The following RBFOX1 variants were observed in gnomAD, a reference collection of about 807,000 sequenced individuals.
RBFOX1 encodes the protein RNA binding protein fox-1 homolog 1.
In RBFOX1, 8 loss-of-function variants were observed where a neutral mutation model predicts 57.7. That is an observed-to-expected ratio of 0.14 (90% CI 0.08 to 0.25). The LOEUF (loss-of-function observed/expected upper bound fraction) is 0.25. Ranked by LOEUF, RBFOX1 falls within the 10% of genes least tolerant of loss-of-function variation. RBFOX1 has a pLI of 1.00. For missense variants in RBFOX1, 611 were observed against 548.5 expected (o/e 1.11, Z -1.14); for synonymous variants, 326 against 222.4 (o/e 1.47, Z -4.15).
At chr16:6,520,913 G>A (rs541073734) in intron 2 of RBFOX1, among the ~76,000 whole-genome samples, 1 of 152,108 alleles carries the variant, frequency 6.6e-6, no homozygotes, top group Non-Finnish European at 1.5e-5. Flanking sequence ...TAAAATTTCT[G>A]TGAATAACCA....
chr16:5,687,621 G>A (rs983937661), intron 3 of RBFOX1, among the ~76,000 whole-genome samples: 1 of 152,154 alleles, frequency 6.6e-6, no homozygotes, highest in Admixed American at 6.5e-5. Context: ...GAAAGTCATT[G>A]TAGCGTCACC....
chr16:7,339,572 T>C (rs1394578038), intron 4 of RBFOX1, among the ~76,000 whole-genome samples: 1 of 152,168 alleles, frequency 6.6e-6, no homozygotes, highest in African/African-American at 2.4e-5. Flanking sequence ...CCTGAGTATC[T>C]GGGACCGTGG....
intron 1 of RBFOX1, among the ~76,000 whole-genome samples, chr16:6,212,189 T>C (rs1298425767): frequency 1.3e-5 from 2 of 152,158 alleles, no homozygotes; most frequent in African/African-American, 4.8e-5. Context: ...CAAAAATCTT[T>C]ATATGGTATT....
chr16:5,791,154 C>T (rs1023583935), intron 3 of RBFOX1, among the ~76,000 whole-genome samples: 25 of 152,114 alleles, frequency 1.6e-4, no homozygotes, highest in African/African-American at 4.1e-4. Flanking sequence ...AGGCGTGAGC[C>T]ACAGTGCCTG....
intron 4 of RBFOX1, among the ~76,000 whole-genome samples, chr16:7,198,240 C>A (rs376971659): frequency 3.9e-5 from 6 of 152,034 alleles, no homozygotes; most frequent in African/African-American, 1.2e-4. Flanking sequence ...CTCCTAACGT[C>A]GTGATCTGCC....
At chr16:5,289,263 C>G in intron 1 of RBFOX1, 1 of 395,576 alleles carries the variant, frequency 2.5e-6, no homozygotes, top group Non-Finnish European at 4.9e-6. Flanking sequence ...GAGGTTTCAT[C>G]ATTGGGCACC....
intron 3 of RBFOX1, among the ~76,000 whole-genome samples, chr16:5,860,113 C>T (rs916399906): frequency 2.0e-5 from 3 of 152,152 alleles, no homozygotes; most frequent in Non-Finnish European, 2.9e-5. Context: ...GATGGAGTCT[C>T]ACTCTGTCGC....
At chr16:6,214,112 T>G (rs926423864) in intron 1 of RBFOX1, among the ~76,000 whole-genome samples, 15 of 152,206 alleles carry the variant, frequency 9.9e-5, no homozygotes, top group African/African-American at 2.9e-4. Context: ...GGTGCCTTGT[T>G]CCTAGTTCCT....
chr16:6,699,798 C>G (rs929000952), intron 3 of RBFOX1, among the ~76,000 whole-genome samples: 6 of 151,960 alleles, frequency 3.9e-5, no homozygotes, highest in Admixed American at 3.3e-4. Context: ...CATGCAGGCA[C>G]GGTGAAGAAA....
At chr16:7,166,893 G>A (rs1388069111) in intron 4 of RBFOX1, among the ~76,000 whole-genome samples, 1 of 147,946 alleles carries the variant, frequency 6.8e-6, no homozygotes, top group Non-Finnish European at 1.5e-5. Context: ...ACAGCCACCA[G>A]TAGCCTTGCT....
intron 1 of RBFOX1, among the ~76,000 whole-genome samples, chr16:5,364,194 G>C (rs994780450): frequency 5.9e-5 from 9 of 152,196 alleles, no homozygotes; most frequent in African/African-American, 2.2e-4. Flanking sequence ...TTCACATTTA[G>C]GAACAACTTC....
At chr16:6,158,481 C>G (rs1224458148) in intron 1 of RBFOX1, among the ~76,000 whole-genome samples, 1 of 152,110 alleles carries the variant, frequency 6.6e-6, no homozygotes, top group Non-Finnish European at 1.5e-5. Flanking sequence ...TTATATAAAA[C>G]TCAGATTTGA....
chr16:6,846,586 A>C (rs1172176422), intron 3 of RBFOX1, among the ~76,000 whole-genome samples: 1 of 152,232 alleles, frequency 6.6e-6, no homozygotes, highest in Non-Finnish European at 1.5e-5. Context: ...TTGGAGCTAC[A>C]AATGTGGAAA....
intron 2 of RBFOX1, among the ~76,000 whole-genome samples, chr16:5,531,950 C>T (rs1337845769): frequency 6.6e-6 from 1 of 152,114 alleles, no homozygotes; most frequent in Non-Finnish European, 1.5e-5. Context: ...CAGGCACCCG[C>T]CACCATTCCT....
At chr16:5,761,965 G>C (rs1397144509) in intron 3 of RBFOX1, among the ~76,000 whole-genome samples, 1 of 152,124 alleles carries the variant, frequency 6.6e-6, no homozygotes, top group Non-Finnish European at 1.5e-5. Flanking sequence ...CTTCATGGCA[G>C]AGTTTGAATT....
At chr16:6,589,564 A>G (rs967374398) in intron 2 of RBFOX1, among the ~76,000 whole-genome samples, 2 of 152,206 alleles carry the variant, frequency 1.3e-5, no homozygotes, top group African/African-American at 4.8e-5. Flanking sequence ...CACTGGTCTT[A>G]TATTTTACAA....
At chr16:7,368,082 C>T (rs989667037) in intron 4 of RBFOX1, among the ~76,000 whole-genome samples, 14 of 151,924 alleles carry the variant, frequency 9.2e-5, no homozygotes, top group African/African-American at 2.2e-4. Context: ...GCCTGGCCAA[C>T]GTAATGAAAC....
intron 3 of RBFOX1, among the ~76,000 whole-genome samples, chr16:5,720,387 A>G (rs1247609837): frequency 1.3e-5 from 2 of 152,204 alleles, no homozygotes; most frequent in African/African-American, 4.8e-5. Context: ...TGCCATTGCT[A>G]TTATTAGCTA....
chr16:6,272,611 A>G (rs1049668915), intron 1 of RBFOX1, among the ~76,000 whole-genome samples: 4 of 152,210 alleles, frequency 2.6e-5, no homozygotes, highest in African/African-American at 7.2e-5. Context: ...TGAAAGTGCC[A>G]TGAAATTTAA....
Sources: allele counts gnomAD v4.1 joint callset (sites outside exome capture counted in the v4.1 genomes callset), GRCh38; gene constraint gnomAD v4.1.1; transcripts MANE v1.5; gene names NCBI Gene and HGNC (gene_info 2026-07-23, HGNC 2026-07-21).